Variants in EDIL3 observed in about 807,000 individuals in gnomAD.
EDIL3 encodes EGF-like repeat and discoidin I-like domain-containing protein 3.
In EDIL3, 37 loss-of-function variants were observed where a neutral mutation model predicts 67.4. The observed-to-expected ratio is 0.55, with a 90% CI of 0.42 to 0.72. The LOEUF is 0.72. Among genes scored for constraint, EDIL3 ranks in the 30% least tolerant of loss-of-function variants. EDIL3 has a pLI of 0.00. For missense variants in EDIL3, 527 were observed against 586.3 expected (o/e 0.90, Z 1.04); for synonymous variants, 195 against 196.3 (o/e 0.99, Z 0.05).
At chr5:84,238,002 AC>A (rs1405509857) in intron 2 of EDIL3, among the ~76,000 whole-genome samples, 5 of 152,106 alleles carry the variant, frequency 3.3e-5, no homozygotes, top group Non-Finnish European at 7.4e-5. Flanking sequence ...CCATCATCCC[AC>A]CCCAGTAGAG....
intron 6 of EDIL3, 134 bp from the exon 7 acceptor site, chr5:84,066,740 A>G: frequency 8.7e-7 from 1 of 1,150,744 alleles, no homozygotes; most frequent in Non-Finnish European, 1.2e-6. Context: ...TTCATGGATA[A>G]ATGTTTACAA....
intron 9 of EDIL3, among the ~76,000 whole-genome samples, chr5:83,994,455 AT>A (rs1472678819): frequency 6.7e-6 from 1 of 149,230 alleles, no homozygotes; most frequent in Non-Finnish European, 1.5e-5. Context: ...AAAAAAAAAA[AT>A]TGCTTTTTCA....
At chr5:84,212,621 A>T (rs1422223722) in intron 3 of EDIL3, among the ~76,000 whole-genome samples, 1 of 152,184 alleles carries the variant, frequency 6.6e-6, no homozygotes, top group Non-Finnish European at 1.5e-5. Context: ...GAAACACAAG[A>T]TCTAAGACCA....
intron 5 of EDIL3, among the ~76,000 whole-genome samples, chr5:84,117,305 C>G (rs2112295066): frequency 6.6e-6 from 1 of 152,190 alleles, no homozygotes; most frequent in Admixed American, 6.5e-5. Flanking sequence ...GCTGGGATTA[C>G]AAGCGTGAGC....
chr5:84,033,338 T>C (rs538416745), intron 9 of EDIL3, among the ~76,000 whole-genome samples: 2 of 152,348 alleles, frequency 1.3e-5, no homozygotes, highest in South Asian at 4.1e-4. Flanking sequence ...TCTTCATCTT[T>C]GCCATACTTA....
rs375580092 is a variant in EDIL3 at position 84,334,384 on chromosome 5, T to C, written c.67+49924A>G. Reference sequence around the variant, plus strand: ...TGGCCAGAAGAGATGCAATATTTTATTCTTCAAATACTGCAACTGAAAAAA... The same window carrying C: ...TGGCCAGAAGAGATGCAATATTTTACTCTTCAAATACTGCAACTGAAAAAA... On this transcript the variant is annotated intron_variant, in intron 1 of 10. Transcript: ENST00000296591. Among the ~76,000 whole-genome samples, 3 of 152,250 alleles carry C rather than the reference T, an allele frequency of 2.0e-5. No homozygotes were observed. The East Asian group carries it at 5.8e-4, about 29-fold the overall frequency.
At chr5:84,092,697 A>G (rs1255718007) in intron 6 of EDIL3, among the ~76,000 whole-genome samples, 3 of 152,190 alleles carry the variant, frequency 2.0e-5, no homozygotes, top group Non-Finnish European at 4.4e-5. Flanking sequence ...TAACAATATT[A>G]CATCTAAAGT....
intron 8 of EDIL3, among the ~76,000 whole-genome samples, chr5:84,064,431 A>AT (rs1746597629): frequency 6.6e-6 from 1 of 152,116 alleles, no homozygotes; most frequent in Admixed American, 6.6e-5. Flanking sequence ...AAAAGTGACA[A>AT]TTTTCCCGTG....
intron 9 of EDIL3, among the ~76,000 whole-genome samples, chr5:84,011,911 G>A (rs1305711725): frequency 6.6e-6 from 1 of 151,966 alleles, no homozygotes; most frequent in Non-Finnish European, 1.5e-5. Flanking sequence ...TTTACTTTAT[G>A]GCACTTTTCA....
At chr5:84,256,762 T>C (rs1327210266) in intron 1 of EDIL3, among the ~76,000 whole-genome samples, 2 of 152,090 alleles carry the variant, frequency 1.3e-5, no homozygotes, top group African/African-American at 4.8e-5. Flanking sequence ...TTGAATCAGA[T>C]GGAGGAGGTT....
intron 1 of EDIL3, among the ~76,000 whole-genome samples, chr5:84,312,014 C>G (rs1746401516): frequency 6.6e-6 from 1 of 152,210 alleles, no homozygotes; most frequent in African/African-American, 2.4e-5. Context: ...CCGCCTTTCC[C>G]CACTTTCTAT....
chr5:84,057,370 G>A (rs1246056126), intron 9 of EDIL3, among the ~76,000 whole-genome samples: 5 of 150,178 alleles, frequency 3.3e-5, no homozygotes, highest in Non-Finnish European at 7.4e-5. Context: ...TGTTTCTAGA[G>A]TCTACCAACC....
intron 9 of EDIL3, among the ~76,000 whole-genome samples, chr5:84,016,839 CT>C (rs745744335): frequency 6.6e-6 from 1 of 152,106 alleles, no homozygotes; most frequent in African/African-American, 2.4e-5. Flanking sequence ...CTCTGCCTGG[CT>C]TAATTGAGTG....
At chr5:84,103,468 C>G (rs879909088) in intron 6 of EDIL3, among the ~76,000 whole-genome samples, 2 of 151,918 alleles carry the variant, frequency 1.3e-5, no homozygotes, top group African/African-American at 2.4e-5. Flanking sequence ...TCAAACTATG[C>G]ATCTGATAAA....
intron 2 of EDIL3, among the ~76,000 whole-genome samples, chr5:84,243,232 T>C (rs1183111963): frequency 6.6e-6 from 1 of 152,254 alleles, no homozygotes; most frequent in Non-Finnish European, 1.5e-5. Context: ...TATCACCTGA[T>C]GTCCTAATAA....
At position 84,250,061 on chromosome 5, in the gene EDIL3, G is replaced by A. The variant is rs77443773; in HGVS notation, c.196+4023C>T. On this transcript the variant is annotated intron_variant, in intron 2 of 10. Transcript: ENST00000296591. ...AGTGAGTAATTGGGAAGCAATTTGC[G>A]GCTTAGCCACATGGTGGTCTGTCCA... is the stretch of plus-strand genomic sequence containing the variant. Among the ~76,000 whole-genome samples the A allele has an allele frequency of 4.5e-3, 687 of 152,302 alleles. 5 individuals are homozygous for A. The highest frequency in any genetic ancestry group is 0.015 in the African/African-American group (640 of 41,568).
intron 6 of EDIL3, among the ~76,000 whole-genome samples, chr5:84,073,517 A>G (rs1468842153): frequency 6.6e-6 from 1 of 152,236 alleles, no homozygotes; most frequent in African/African-American, 2.4e-5. Context: ...TACAAAATCA[A>G]TGTACAAACA....
chr5:84,018,179 G>GCATATATTA (rs1486556300), intron 9 of EDIL3, among the ~76,000 whole-genome samples: 3 of 152,110 alleles, frequency 2.0e-5, no homozygotes, highest in Non-Finnish European at 2.9e-5. Flanking sequence ...TTGATCAAAA[G>GCATATATTA]CATATATTAA....
intron 3 of EDIL3, among the ~76,000 whole-genome samples, chr5:84,189,836 T>C (rs1364799461): frequency 6.6e-6 from 1 of 152,060 alleles, no homozygotes; most frequent in Non-Finnish European, 1.5e-5. Flanking sequence ...TGTGATGTTA[T>C]GGCTTACATA....
Sources: allele counts gnomAD v4.1 joint callset (sites outside exome capture counted in the v4.1 genomes callset), GRCh38; gene constraint gnomAD v4.1.1; transcripts MANE v1.5; gene names NCBI Gene and HGNC (gene_info 2026-07-23, HGNC 2026-07-21).